The following CDC25C variants were observed in gnomAD, a reference collection of about 807,000 sequenced individuals.
CDC25C encodes the protein cell division cycle 25C.
In CDC25C, 48 loss-of-function variants were observed where a neutral mutation model predicts 52.5. The observed-to-expected ratio is 0.91, with a 90% confidence interval of 0.72 to 1.16. The LOEUF is 1.16. Ranked by LOEUF, CDC25C falls within the 50% of genes most tolerant of loss-of-function variation. The pLI is 0.00. For missense variants in CDC25C, 510 were observed against 566.1 expected, an observed-to-expected ratio of 0.90 and a Z score of 1.01; for synonymous variants, 187 against 206.5, an observed-to-expected ratio of 0.91 and a Z score of 0.81.
At chr5:138,296,841 G>A (rs1212986066) in intron 7 of CDC25C, among the ~76,000 whole-genome samples, 4 of 149,822 alleles carry the variant, frequency 2.7e-5, no homozygotes. Flanking sequence ...TCCTGACCTC[G>A]TGATCTGCCC....
intron 6 of CDC25C, among the ~76,000 whole-genome samples, chr5:138,320,465 C>T (rs1486089723): frequency 1.3e-5 from 2 of 152,016 alleles, no homozygotes; most frequent in African/African-American, 4.8e-5. Flanking sequence ...TATATACATA[C>T]AAAAGAAATG....
upstream of CDC25C, chr5:138,335,452 C>G (rs775215491): frequency 2.0e-5 from 3 of 152,194 alleles, no homozygotes; most frequent in Non-Finnish European, 2.9e-5. Context: ...ATGACTGGCT[C>G]CAGGCCCTGG....
chr5:138,336,305 G>A (rs559207446), upstream of CDC25C, among the ~76,000 whole-genome samples: 5 of 152,056 alleles, frequency 3.3e-5, no homozygotes, highest in African/African-American at 9.6e-5. Flanking sequence ...GCTAATTTTT[G>A]TATTTTTTAG....
At chr5:138,321,494 C>T (rs1221140730) in intron 6 of CDC25C, among the ~76,000 whole-genome samples, 1 of 152,004 alleles carries the variant, frequency 6.6e-6, no homozygotes. Context: ...TGGCTCATGC[C>T]TGTAATCCCA....
intron 3 of CDC25C, 126 bp from the exon 4 acceptor site, chr5:138,328,655 G>A: frequency 1.3e-6 from 1 of 752,394 alleles, no homozygotes; most frequent in Non-Finnish European, 2.3e-6. Context: ...TGAATACAAA[G>A]CCTCTCGATT....
chr5:138,296,169 G>T (rs551099512), intron 7 of CDC25C, among the ~76,000 whole-genome samples: 1 of 152,028 alleles, frequency 6.6e-6, no homozygotes, highest in Admixed American at 6.6e-5. Flanking sequence ...GTCGGCTTCC[G>T]TTAAGTTAGC....
At chr5:138,313,061 G>A (rs1272772717) in intron 7 of CDC25C, among the ~76,000 whole-genome samples, 2 of 151,946 alleles carry the variant, frequency 1.3e-5, no homozygotes, top group African/African-American at 4.8e-5. Flanking sequence ...AAGATGGGGA[G>A]TTATTGTTTA....
chr5:138,323,402 A>T (rs1293023488), intron 6 of CDC25C, among the ~76,000 whole-genome samples: 1 of 151,982 alleles, frequency 6.6e-6, no homozygotes, highest in Non-Finnish European at 1.5e-5. Context: ...GGCCGAGGCG[A>T]TCCTCTTGCC....
chr5:138,331,049 A>T lies in CDC25C; in HGVS notation c.132T>A (p.Asp44Glu). The change falls in exon 2 of 14, where the codon GAT (aspartate) becomes GAA (glutamate). Residue 44 changes from aspartate to glutamate, a missense_variant. Physicochemically the swap from Asp to Glu is conservative, Grantham distance 45 (BLOSUM62 2). Transcript: ENST00000323760. ...ERDTSFTVCP[D>E]VPRTPVGKFL... ...ATTTGCCCACTGGAGTTCTAGGGAC[A>T]TCTGGACAGACGGTAAAGGAAGTGT... 6.2e-7 allele frequency: 1 copy of T among 1,614,228 alleles called. No homozygotes were observed. The highest frequency in any genetic ancestry group is 8.5e-7 in the Non-Finnish European group (1 of 1,180,024).
chr5:138,318,111 T>C (rs1759047686), intron 7 of CDC25C, among the ~76,000 whole-genome samples: 1 of 152,074 alleles, frequency 6.6e-6, no homozygotes, highest in Admixed American at 6.6e-5. Context: ...GGCAGATCAC[T>C]TGAGGTCAGG....
At position 138,302,241 on chromosome 5, in the gene CDC25C, C is replaced by T. The variant is rs921917307; in HGVS notation, c.616-10125G>A. 5.9e-5 allele frequency among the ~76,000 whole-genome samples: 9 copies of T among 151,810 alleles called. No individual in the cohort carries two copies. The South Asian group carries it at 6.2e-4, about 11-fold the overall frequency. On this transcript the variant is annotated intron_variant, in intron 7 of 13. Transcript: ENST00000323760. ...CGATCTCCTGACCTCGAGTGATCCA[C>T]CTGCCTCAGCCTCCCAAAGTGCTGG...
intron 2 of CDC25C, among the ~76,000 whole-genome samples, chr5:138,330,099 T>C (rs2126845928): frequency 6.6e-6 from 1 of 152,302 alleles, no homozygotes; most frequent in East Asian, 1.9e-4. Context: ...ATAAATCTAA[T>C]TGCTTTTGGG....
upstream of CDC25C, among the ~76,000 whole-genome samples, chr5:138,335,890 TTTAA>T (rs974820255): frequency 5.9e-5 from 9 of 151,546 alleles, no homozygotes; most frequent in Non-Finnish European, 1.0e-4. Context: ...AAATTATTAA[TTTAA>T]TTAATAATAA....
At chr5:138,317,622 A>G (rs1304378946) in intron 7 of CDC25C, among the ~76,000 whole-genome samples, 1 of 141,396 alleles carries the variant, frequency 7.1e-6, no homozygotes, top group Non-Finnish European at 1.5e-5. Context: ...TTGAGGCTGC[A>G]GTGAACTTTA....
chr5:138,319,005 T>A (rs1391767688), intron 7 of CDC25C, among the ~76,000 whole-genome samples: 1 of 152,190 alleles, frequency 6.6e-6, no homozygotes, highest in East Asian at 1.9e-4. Flanking sequence ...TCACTTCTAT[T>A]TTCTGTACTT....
intron 6 of CDC25C, 86 bp downstream of exon 6, chr5:138,325,729 A>G: frequency 1.1e-6 from 1 of 896,694 alleles, no homozygotes; most frequent in Non-Finnish European, 1.8e-6. Flanking sequence ...CGAGGTATAA[A>G]CAGTTCTATG....
intron 7 of CDC25C, among the ~76,000 whole-genome samples, chr5:138,303,917 G>A (rs1050267164): frequency 2.6e-5 from 4 of 152,208 alleles, no homozygotes; most frequent in Admixed American, 6.5e-5. Flanking sequence ...TTAGATAGGA[G>A]CAGGGACACT....
rs1453283997 is a variant in CDC25C at position 138,319,348 on chromosome 5, T to C, written c.486A>G (p.Glu162=). 1 of 1,613,220 alleles carries C rather than the reference T, an allele frequency of 6.2e-7. No homozygotes were observed. The highest frequency in any genetic ancestry group is 8.5e-7 in the Non-Finnish European group (1 of 1,179,590). The change falls in exon 7 of 14, where the codon GAA becomes GAG. Residue 162 remains glutamate, a synonymous_variant. Transcript: ENST00000323760. ...TAATGGGACTGCCCAAATATTTCATTTCACTGTCCACCAAGTTTCCATTGT... is the reference window on the plus strand; with the variant it reads ...TAATGGGACTGCCCAAATATTTCATCTCACTGTCCACCAAGTTTCCATTGT... The part of the protein sequence containing the change: ...ENDNGNLVDS[E]MKYLGSPITT...
In CDC25C at chr5:138,326,013, C is replaced by G. The variant is rs761885348; in HGVS notation, c.369+8G>C. ...AAAACAAAACCCAAAAAAAGAGAGG[C>G]TACTCACTGGGCTACATTTCATTAG... On this transcript the variant is annotated splice_region_variant and intron_variant, in intron 5 of 13. Transcript: ENST00000323760. 2 of 1,614,184 alleles carry G rather than the reference C, an allele frequency of 1.2e-6. No individual in the cohort carries two copies. The highest frequency in any genetic ancestry group is 2.2e-5 in the South Asian group (2 of 91,090).
Sources: gnomAD v4.1 joint callset for allele counts (sites outside exome capture counted in the v4.1 genomes callset) on GRCh38, gnomAD v4.1.1 for gene constraint, MANE v1.5 for transcripts, NCBI Gene and HGNC (gene_info 2026-07-23, HGNC 2026-07-21) for gene names.